Variants in POLQ observed in about 807,000 individuals in gnomAD.
POLQ encodes DNA polymerase theta.
POLQ carries 233 observed loss-of-function variants against 259.2 expected under a neutral mutation model. That is an observed-to-expected ratio of 0.90 (90% CI 0.81 to 1.00). The LOEUF is 1.00. POLQ is among the 50% of genes least tolerant of loss of function. The pLI is 0.00. For missense variants in POLQ, 2,871 were observed against 3,051.6 expected (o/e 0.94, Z 1.39); for synonymous variants, 1,025 against 1,048.8 (o/e 0.98, Z 0.44).
At chr3:121,455,223 A>C (rs2108781134) in intron 25 of POLQ, among the ~76,000 whole-genome samples, 1 of 147,306 alleles carries the variant, frequency 6.8e-6, no homozygotes, top group South Asian at 2.3e-4. Flanking sequence ...TCTGGGACAC[A>C]TTCAAAGCAG....
intron 9 of POLQ, among the ~76,000 whole-genome samples, chr3:121,517,563 T>A (rs2048307205): frequency 6.6e-6 from 1 of 152,160 alleles, no homozygotes; most frequent in South Asian, 2.1e-4. Context: ...CCAGCCTCTC[T>A]TATAGTTGGG....
intron 18 of POLQ, 140 bp downstream of exon 18, chr3:121,483,246 A>G (rs2047984230): frequency 6.4e-6 from 3 of 470,168 alleles, no homozygotes. Flanking sequence ...TTCTGGGTAG[A>G]TGAGATTATT....
chr3:121,484,428 T>C lies in POLQ; in HGVS notation c.5773+613A>G, dbSNP rs190237203. Among the ~76,000 whole-genome samples the C allele has an allele frequency of 2.2e-3, 335 of 152,290 alleles. 2 individuals carry two copies. Among genetic ancestry groups the C allele is most frequent in the African/African-American group, 7.7e-3 (320 of 41,554 alleles). Reference sequence around the variant, plus strand: ...GAAAATAAACTGCCATCGTTTAGTCTTCAAAAGCAAACCCTAAAGGTGGCA... The same window carrying C: ...GAAAATAAACTGCCATCGTTTAGTCCTCAAAAGCAAACCCTAAAGGTGGCA... On this transcript the variant is annotated intron_variant, in intron 17 of 29. Coordinates refer to ENST00000264233, the MANE Select transcript of POLQ (RefSeq NM_199420.4).
rs556827569 is a variant in POLQ, at chr3:121,467,463, G to A, written c.6967+56C>T. On this transcript the variant is annotated intron_variant, in intron 24 of 29. Transcript: ENST00000264233. Reference sequence around the variant, plus strand: ...CACTCATATTTCAGGCTTTATCCATGCTTTGAAAAACATTCTCACAGCAAT... The same window carrying A: ...CACTCATATTTCAGGCTTTATCCATACTTTGAAAAACATTCTCACAGCAAT... 91 of 1,577,356 alleles carry A rather than the reference G, an allele frequency of 5.8e-5. No homozygotes were observed. The South Asian group carries it at 7.1e-4, about 12-fold the overall frequency.
At chr3:121,484,680 C>A (rs2047996153) in intron 17 of POLQ, among the ~76,000 whole-genome samples, 1 of 152,162 alleles carries the variant, frequency 6.6e-6, no homozygotes, top group South Asian at 2.1e-4. Flanking sequence ...GCGGGTGGAT[C>A]ACCTGAGGTA....
chr3:121,539,785 T>C (rs1265438604), intron 3 of POLQ, among the ~76,000 whole-genome samples, 196 bp from the exon 4 acceptor site: 1 of 152,180 alleles, frequency 6.6e-6, no homozygotes, highest in East Asian at 1.9e-4. Flanking sequence ...CTGACAAAAC[T>C]GTTAAGAGTC....
intron 12 of POLQ, among the ~76,000 whole-genome samples, chr3:121,500,745 A>G (rs2048160858): frequency 1.3e-5 from 2 of 152,204 alleles, no homozygotes; most frequent in African/African-American, 4.8e-5. Context: ...CAGGATACAT[A>G]CAAAGGCATC....
At chr3:121,445,873 A>C (rs1436048623) in intron 26 of POLQ, among the ~76,000 whole-genome samples, 2 of 152,084 alleles carry the variant, frequency 1.3e-5, no homozygotes, top group East Asian at 1.9e-4. Flanking sequence ...AAAAAAAAAA[A>C]AACAACCAAT....
intron 28 of POLQ, among the ~76,000 whole-genome samples, chr3:121,434,855 T>G (rs2047529483): frequency 6.6e-6 from 1 of 152,092 alleles, no homozygotes; most frequent in African/African-American, 2.4e-5. Context: ...CCAGGAAAAT[T>G]TAAAACATGC....
chr3:121,471,475 C>T (rs1392846594), intron 22 of POLQ, among the ~76,000 whole-genome samples: 2 of 152,152 alleles, frequency 1.3e-5, no homozygotes, highest in African/African-American at 4.8e-5. Flanking sequence ...GGCGCAGTGG[C>T]TCACGCCTGT....
At chr3:121,500,488 G>A (rs1415212369) in intron 12 of POLQ, among the ~76,000 whole-genome samples, 10 of 152,030 alleles carry the variant, frequency 6.6e-5, no homozygotes, top group Non-Finnish European at 1.3e-4. Flanking sequence ...GCATAAGAAA[G>A]AATCAGCAAA....
intron 15 of POLQ, among the ~76,000 whole-genome samples, chr3:121,492,022 AC>A (rs2048072502): frequency 1.3e-5 from 2 of 149,442 alleles, no homozygotes; most frequent in South Asian, 2.1e-4. Context: ...CATCTCCACC[AC>A]CCCCCTACCC....
intron 26 of POLQ, among the ~76,000 whole-genome samples, chr3:121,443,331 C>A (rs777908182): frequency 6.6e-6 from 1 of 152,130 alleles, no homozygotes; most frequent in Non-Finnish European, 1.5e-5. Context: ...CATTCTAGTT[C>A]TAATTTGTAT....
rs1389650804 is a variant in POLQ at position 121,515,538 on chromosome 3, C to T, written c.1469-3509G>A. Among the ~76,000 whole-genome samples the T allele has an allele frequency of 9.8e-5, 15 of 152,336 alleles. 1 individual carries two copies. The highest frequency in any genetic ancestry group is 1.9e-4 in the Non-Finnish European group (13 of 68,028). The stretch of plus-strand genomic sequence containing the variant: ...CTGCAGAGCTCAGCTTGTGGGTTCA[C>T]CTGATAGCAGAGCCCAGCCAGCAGT... On this transcript the variant is annotated intron_variant, in intron 9 of 29. Coordinates refer to ENST00000264233, the MANE Select transcript of POLQ (RefSeq NM_199420.4).
chr3:121,526,892 C>T (rs111694082), intron 7 of POLQ, among the ~76,000 whole-genome samples: 38 of 87,768 alleles, frequency 4.3e-4, no homozygotes, highest in East Asian at 2.7e-3. Context: ...TGTGTGTGTG[C>T]GCGCGCGCAC....
rs772383367 is a variant in POLQ at position 121,487,838 on chromosome 3, T to C, written c.5093A>G (p.Asn1698Ser). The C allele has an allele frequency of 1.2e-6, 2 of 1,610,540 alleles. No homozygotes were observed. The highest frequency in any genetic ancestry group is 1.1e-5 in the South Asian group (1 of 89,878). The change falls in exon 16 of 30, where the codon AAT becomes AGT. Residue 1698 changes from asparagine (N) to serine (S), a missense_variant. This residue lies in a region of POLQ where 2,080 missense variants were observed against 2,126.0 expected (regional missense o/e 0.98). Coordinates refer to ENST00000264233, the MANE Select transcript of POLQ (RefSeq NM_199420.4). ...KQVQGISFSS[N>S]NEVKSKIEML... is the part of the protein sequence containing the mutation. ...CTCAATCTTGCTTTTTACTTCATTA[T>C]TAGAAGAAAATGAAATTCCCTGCAC...
At chr3:121,496,471 G>A (rs572856182) in intron 14 of POLQ, among the ~76,000 whole-genome samples, 32 of 152,106 alleles carry the variant, frequency 2.1e-4, no homozygotes, top group African/African-American at 7.0e-4. Context: ...CACCGCGCCC[G>A]GCAATCAGTA....
intron 25 of POLQ, among the ~76,000 whole-genome samples, chr3:121,458,249 G>C (rs964773813): frequency 5.3e-5 from 8 of 152,052 alleles, no homozygotes; most frequent in Non-Finnish European, 1.0e-4. Flanking sequence ...GTGGGGGAAT[G>C]GGGGAGGGAT....
intron 9 of POLQ, 108 bp from the exon 10 acceptor site, chr3:121,512,137 T>C (rs1016819661): frequency 8.0e-6 from 7 of 873,674 alleles, no homozygotes; most frequent in South Asian, 1.9e-5. Flanking sequence ...CAAGAGATGA[T>C]AGTGGTTGTT....
Sources: allele counts gnomAD v4.1 joint callset (sites outside exome capture counted in the v4.1 genomes callset), GRCh38; gene constraint gnomAD v4.1.1; regional missense constraint gnomAD v4.1.1; transcripts MANE v1.5; gene names NCBI Gene and HGNC (gene_info 2026-07-23, HGNC 2026-07-21).